TACC2: variants seen among roughly 807,000 people sequenced by gnomAD.
TACC2 encodes the protein transforming acidic coiled-coil-containing protein 2.
A neutral mutation model predicts 227.3 loss-of-function variants in TACC2; 137 were observed. The observed-to-expected ratio is 0.60, with a 90% CI of 0.52 to 0.69. The LOEUF is 0.69. Ranked by LOEUF, TACC2 falls within the 30% of genes least tolerant of loss-of-function variation. The probability of loss-of-function intolerance (pLI) is 0.00; values close to 1 mark genes in which losing one functional copy is unlikely to be tolerated. For missense variants in TACC2, 3,470 were observed against 3,694.4 expected (o/e 0.94, Z 1.57); for synonymous variants, 1,523 against 1,487.5 (o/e 1.02, Z -0.55).
intron 7 of TACC2, among the ~76,000 whole-genome samples, chr10:122,181,133 T>C (rs1003588535): frequency 6.6e-6 from 1 of 152,190 alleles, no homozygotes; most frequent in African/African-American, 2.4e-5. Context: ...GTTTCTCTCT[T>C]GAGTGGCTGT....
In TACC2 at chr10:122,224,710, G is replaced by T; in HGVS notation, c.7547-16G>T. 6.2e-7 allele frequency: 1 copy of T among 1,612,970 alleles called. No individual in the cohort carries two copies. The highest frequency in any genetic ancestry group is 8.5e-7 in the Non-Finnish European group (1 of 1,179,362). The stretch of plus-strand genomic sequence containing the variant: ...CTTTTGTTTTTTTGTGTTTGTGTTT[G>T]TTTTTGTTTTTGCAGAGTTGGATTA... On this transcript the variant is annotated splice_polypyrimidine_tract_variant and intron_variant, in intron 11 of 22. Coordinates refer to ENST00000369005, the MANE Select transcript of TACC2 (RefSeq NM_206862.4).
chr10:121,990,173 T>C (rs1952970698), intron 1 of TACC2, among the ~76,000 whole-genome samples: 1 of 151,968 alleles, frequency 6.6e-6, no homozygotes, highest in South Asian at 2.1e-4. Context: ...TGCAGTGGCA[T>C]AATGATGGTT....
At position 122,137,026 on chromosome 10, in the gene TACC2, G is replaced by A. The variant is rs532217258; in HGVS notation, c.5699+4292G>A. 7.9e-5 allele frequency among the ~76,000 whole-genome samples: 12 copies of A among 151,760 alleles called. 1 individual carries two copies. The South Asian group carries it at 8.3e-4, about 11-fold the overall frequency. On this transcript the variant is annotated intron_variant, in intron 6 of 22. Coordinates refer to ENST00000369005, the MANE Select transcript of TACC2 (RefSeq NM_206862.4). ...AGAGCTCTTTTTTTTTCTGAGTAGC[G>A]GAAAAAGAAGGCACCTCTATCTCTA...
intron 1 of TACC2, among the ~76,000 whole-genome samples, chr10:122,005,382 C>CCTTTTTTTTTTT (rs1954948554): frequency 8.4e-6 from 1 of 119,196 alleles, no homozygotes; most frequent in Admixed American, 8.8e-5. Context: ...CCACGCCCAG[C>CCTTTTTTTTTTT]TTTTTTTTTT....
At position 122,195,032 on chromosome 10, in the gene TACC2, C is replaced by T. The variant is rs763951928; in HGVS notation, c.5835-8C>T. ...CTGTCTAACCTGTGCTTCTCCCTCT[C>T]TCATCAGGAGTTCCGATTCTGAAGA... On this transcript the variant is annotated splice_polypyrimidine_tract_variant and splice_region_variant and intron_variant, in intron 7 of 22. Transcript: ENST00000369005. The T allele has an allele frequency of 8.1e-6, 13 of 1,607,126 alleles. No individual in the cohort carries two copies. The highest frequency in any genetic ancestry group is 1.1e-5 in the Non-Finnish European group (13 of 1,175,938).
chr10:122,093,369 T>C (rs2081041868), intron 5 of TACC2, among the ~76,000 whole-genome samples: 1 of 152,146 alleles, frequency 6.6e-6, no homozygotes, highest in Non-Finnish European at 1.5e-5. Context: ...TCTCTGTTTC[T>C]TCCTTTTCCC....
At position 122,050,475 on chromosome 10, in the gene TACC2, C is replaced by T. The variant is rs2075549964; in HGVS notation, c.71C>T (p.Pro24Leu). ...LSAQTPRSAQPPGNSQNIKRK... is the reference protein window; with the variant it reads ...LSAQTPRSAQLPGNSQNIKRK... ...GCTCAGACTCCAAGGTCCGCGCAGC[C>T]ACCCGGGAACAGTCAGAATATAAAA... The change falls in exon 3 of 23, where the codon CCA (proline) becomes CTA (leucine). Residue 24 changes from proline to leucine, a missense_variant. Pro to Leu is a moderately conservative substitution (Grantham distance 98). This residue lies in a region of TACC2 where 405 missense variants were observed against 389.6 expected (regional missense o/e 1.04). Coordinates refer to ENST00000369005, the MANE Select transcript of TACC2 (RefSeq NM_206862.4). This position sits in a 1 kb window ranked among gnomAD's most constrained non-coding sequence, Gnocchi z 4.6. 1.2e-6 allele frequency: 2 copies of T among 1,613,988 alleles called. No homozygotes were observed. Among genetic ancestry groups the T allele is most frequent in the Non-Finnish European group, 8.5e-7 (1 of 1,180,026 alleles).
chr10:122,115,954 C>T (rs927911802), intron 5 of TACC2, among the ~76,000 whole-genome samples: 1 of 152,092 alleles, frequency 6.6e-6, no homozygotes. Flanking sequence ...TGGGTGCCCT[C>T]ATTTATCCCC....
intron 7 of TACC2, among the ~76,000 whole-genome samples, chr10:122,152,637 G>C (rs957748366): frequency 6.6e-6 from 1 of 152,216 alleles, no homozygotes; most frequent in African/African-American, 2.4e-5. Flanking sequence ...AGAGGAGGCA[G>C]CTTGTCCCGA....
intron 3 of TACC2, among the ~76,000 whole-genome samples, chr10:122,054,680 A>T (rs1434051487): frequency 6.6e-6 from 1 of 152,150 alleles, no homozygotes; most frequent in African/African-American, 2.4e-5. Flanking sequence ...CAGTGTTTCG[A>T]GATGACCGGC....
chr10:122,112,910 G>A (rs1461922911), intron 5 of TACC2: 1 of 152,052 alleles, frequency 6.6e-6, no homozygotes, highest in Non-Finnish European at 1.5e-5. Context: ...GGAGAGCGCG[G>A]CGGGCGCCCT....
At position 122,141,428 on chromosome 10, in the gene TACC2, C is replaced by T. The variant is rs1045025434; in HGVS notation, c.5700-2144C>T. Among the ~76,000 whole-genome samples, 3 of 152,050 alleles carry T rather than the reference C, an allele frequency of 2.0e-5. No homozygotes were observed. Among genetic ancestry groups the T allele is most frequent in the African/African-American group, 7.2e-5 (3 of 41,396 alleles). ...CCCAGCCAGCGCAGGAAGGGTGTGG[C>T]CATGGCAGTTGGGACCAACAGAAGG... On this transcript the variant is annotated intron_variant, in intron 6 of 22. Transcript: ENST00000369005. The surrounding 1 kb of genome is among the most constrained non-coding windows in gnomAD (Gnocchi z 4.3).
intron 16 of TACC2, among the ~76,000 whole-genome samples, chr10:122,233,050 A>ACTGATGGAGAG (rs1406629173): frequency 6.6e-6 from 1 of 152,180 alleles, no homozygotes; most frequent in African/African-American, 2.4e-5. Flanking sequence ...ATCTCTCTAG[A>ACTGATGGAGAG]CTGATGGAGA....
chr10:122,083,056 T>G lies in TACC2; in HGVS notation c.556T>G (p.Ser186Ala). 1 of 1,612,560 alleles carries G rather than the reference T, an allele frequency of 6.2e-7. No individual in the cohort carries two copies. The change falls in exon 4 of 23, where the codon TCC becomes GCC. Residue 186 changes from serine (S) to alanine (A), a missense_variant. Transcript: ENST00000369005. ...ACAGCCGAAGGAAGAAGGACAGAAG[T>G]CCTCCTTCTCCTTCTCCAGTGGCAT... ...ERQPKEEGQK[S>A]SFSFSSGIDQ...
chr10:122,013,764 A>T (rs147793283), intron 1 of TACC2, among the ~76,000 whole-genome samples: 1 of 152,274 alleles, frequency 6.6e-6, no homozygotes, highest in Non-Finnish European at 1.5e-5. Flanking sequence ...CTGGAGAAGC[A>T]ATTCAGAGCC....
In TACC2 at chr10:122,222,073, C is replaced by T. The variant is rs187871959; in HGVS notation, c.7547-2653C>T. 2.6e-4 allele frequency among the ~76,000 whole-genome samples: 40 copies of T among 152,348 alleles called. No individual in the cohort carries two copies. The South Asian group carries it at 4.6e-3, about 17-fold the overall frequency. On this transcript the variant is annotated intron_variant, in intron 11 of 22. Coordinates refer to ENST00000369005, the MANE Select transcript of TACC2 (RefSeq NM_206862.4). ...CTCTTCAGCTAGGAGCAGCCACACACGTTAGCAAGGACCATCTCCTCCAGT... is the reference window on the plus strand; with the variant it reads ...CTCTTCAGCTAGGAGCAGCCACACATGTTAGCAAGGACCATCTCCTCCAGT...
intron 1 of TACC2, among the ~76,000 whole-genome samples, chr10:122,016,945 C>T (rs548418988): frequency 6.6e-6 from 1 of 152,102 alleles, no homozygotes; most frequent in Non-Finnish European, 1.5e-5. Context: ...AGGACATAGA[C>T]GGGCAAAGAG....
intron 6 of TACC2, among the ~76,000 whole-genome samples, chr10:122,142,617 A>G (rs1565421213): frequency 6.6e-6 from 1 of 152,136 alleles, no homozygotes; most frequent in Non-Finnish European, 1.5e-5. Context: ...AGCTCCCTGG[A>G]GGTGTTTACC....
At chr10:122,029,681 C>T (rs570476536) in intron 2 of TACC2, among the ~76,000 whole-genome samples, 3 of 152,146 alleles carry the variant, frequency 2.0e-5, no homozygotes, top group Admixed American at 2.0e-4. Flanking sequence ...GTAATTTCCA[C>T]TTAAAGGAAT....
Sources: allele counts gnomAD v4.1 joint callset (sites outside exome capture counted in the v4.1 genomes callset), GRCh38; gene constraint gnomAD v4.1.1; regional missense constraint gnomAD v4.1.1; non-coding constraint Gnocchi (gnomAD v3.1); transcripts MANE v1.5; gene names NCBI Gene and HGNC (gene_info 2026-07-23, HGNC 2026-07-21).